The following RBM17 variants were observed in gnomAD, a reference collection of about 807,000 sequenced individuals.
The protein encoded by RBM17 is splicing factor 45.
A neutral mutation model predicts 53.2 loss-of-function variants in RBM17; 7 were observed. The ratio of observed to expected loss-of-function variants is 0.13; its 90% CI spans 0.07 to 0.25. RBM17 has a LOEUF of 0.25. Among genes scored for constraint, RBM17 ranks in the 10% least tolerant of loss-of-function variants. The pLI is 1.00. For missense variants in RBM17, 257 were observed against 496.7 expected, an observed-to-expected ratio of 0.52 and a Z score of 4.59; for synonymous variants, 167 against 178.1, an observed-to-expected ratio of 0.94 and a Z score of 0.50.
At position 6,107,894 on chromosome 10, in the gene RBM17, T is replaced by C. The variant is rs80252610; in HGVS notation, c.506-792T>C. On this transcript the variant is annotated intron_variant, in intron 5 of 11. Coordinates refer to ENST00000379888, the MANE Select transcript of RBM17 (RefSeq NM_032905.5). ...ATTGTTGATTAAGCCATAATACATA[T>C]GTATTATGTAATATTATGTATACGT... is the stretch of plus-strand genomic sequence containing the variant. Among the ~76,000 whole-genome samples, 251 of 152,362 alleles carry C rather than the reference T, an allele frequency of 1.6e-3. 1 individual carries two copies. The highest frequency in any genetic ancestry group is 2.8e-3 in the Non-Finnish European group (191 of 68,036).
intron 7 of RBM17, among the ~76,000 whole-genome samples, chr10:6,111,565 C>T (rs1244966452): frequency 6.6e-6 from 1 of 152,150 alleles, no homozygotes; most frequent in African/African-American, 2.4e-5. Context: ...GTCTTGAACT[C>T]CTGACCTCAG....
intron 1 of RBM17, among the ~76,000 whole-genome samples, chr10:6,090,480 T>A (rs11256667): frequency 0.25 from 38,316 of 152,192 alleles, 6,076 homozygotes; most frequent in Middle Eastern, 0.37. Flanking sequence ...CAGAGCAGGT[T>A]GTGCGGTTGT....
rs1438502223 is a variant in RBM17 at position 6,089,251 on chromosome 10, G to C, written c.-19+58G>C. The C allele has an allele frequency of 6.6e-6, 1 of 151,792 alleles. No individual in the cohort carries two copies. The highest frequency in any genetic ancestry group is 2.4e-5 in the African/African-American group (1 of 41,380). The allele number at this position is 151,792 out of a possible 1,614,324, so 9.4% of individuals were successfully genotyped here. ...GCCTGGCGGGACCTGAGGCGGGCGCGCCTTCCCGGGAGGCGCTAGACGCAA... is the reference window on the plus strand; with the variant it reads ...GCCTGGCGGGACCTGAGGCGGGCGCCCCTTCCCGGGAGGCGCTAGACGCAA... On this transcript the variant is annotated intron_variant, in intron 1 of 11. Coordinates refer to ENST00000379888, the MANE Select transcript of RBM17 (RefSeq NM_032905.5). The surrounding 1 kb of genome is among the most constrained non-coding windows in gnomAD (Gnocchi z 5.6).
chr10:6,113,149 A>G (rs916124577), intron 8 of RBM17: 2 of 205,976 alleles, frequency 9.7e-6, no homozygotes, highest in Non-Finnish European at 2.0e-5. Flanking sequence ...TAGTAACTGC[A>G]TATTCCCCTG....
intron 8 of RBM17, 114 bp from the exon 9 acceptor site, chr10:6,113,394 T>C (rs73605996): frequency 0.038 from 26,970 of 707,778 alleles, 1,348 homozygotes; most frequent in Admixed American, 0.17. Context: ...ACATAAATGG[T>C]GGGGATCGCT....
intron 7 of RBM17, among the ~76,000 whole-genome samples, chr10:6,110,595 CTG>C (rs1330761775): frequency 2.6e-4 from 39 of 152,308 alleles, no homozygotes; most frequent in African/African-American, 8.9e-4. Context: ...TAAAATTTGA[CTG>C]TAAGGCTGAC....
rs200271626 is a variant in RBM17 at position 6,097,074 on chromosome 10, G to A, written c.9G>A (p.Leu3=). The A allele has an allele frequency of 1.2e-6, 2 of 1,613,328 alleles. No individual in the cohort carries two copies. The highest frequency in any genetic ancestry group is 1.7e-6 in the Non-Finnish European group (2 of 1,179,938). The change falls in exon 2 of 12, where the codon CTG becomes CTA. Residue 3 remains leucine (L), a synonymous_variant. Transcript: ENST00000379888. MS[L]YDDLGVETSD... Reference sequence around the variant, plus strand: ...ATTAAACTGAAGAAAAGATGTCCCTGTACGATGACCTAGGAGTGGAGACCA... The same window carrying A: ...ATTAAACTGAAGAAAAGATGTCCCTATACGATGACCTAGGAGTGGAGACCA...
At position 6,115,766 on chromosome 10, in the gene RBM17, C is replaced by T. The variant is rs1012069059; in HGVS notation, c.*210C>T. On this transcript the variant is annotated 3_prime_UTR_variant, in exon 12 of 12. Transcript: ENST00000379888. ...TTTAAAAAAACAACAATCTGTGTGC[C>T]TCTCTGGTTGTTTCTCTTTTTTATT... is the stretch of plus-strand genomic sequence containing the variant. 1.3e-5 allele frequency: 5 copies of T among 398,600 alleles called. No homozygotes were observed. The highest frequency in any genetic ancestry group is 8.3e-5 in the South Asian group (1 of 12,014). 24.7% of individuals were successfully genotyped at this position (398,600 alleles called of 1,614,324 possible).
intron 7 of RBM17, 136 bp downstream of exon 7, chr10:6,110,263 C>T (rs1840817457): frequency 1.7e-6 from 1 of 601,072 alleles, no homozygotes; most frequent in Non-Finnish European, 2.6e-6. Context: ...GTACCTGCCT[C>T]AATCGTGTGG....
rs117328554 is a variant in RBM17 at position 6,111,633 on chromosome 10, C to G, written c.705-577C>G. ...GGGATTATAAGTGTGATCAACTGCA[C>G]CCAGCCTGTACAAATAATTTCTAAT... On this transcript the variant is annotated intron_variant, in intron 7 of 11. Coordinates refer to ENST00000379888, the MANE Select transcript of RBM17 (RefSeq NM_032905.5). 1.5e-4 allele frequency among the ~76,000 whole-genome samples: 23 copies of G among 152,342 alleles called. No homozygotes were observed. The East Asian group carries it at 3.5e-3, about 23-fold the overall frequency.
At chr10:6,091,427 A>G (rs1219492105) in intron 1 of RBM17, among the ~76,000 whole-genome samples, 9 of 152,312 alleles carry the variant, frequency 5.9e-5, no homozygotes, top group Non-Finnish European at 1.3e-4. Context: ...GTTTAGTGAT[A>G]GAAATATTTC....
At chr10:6,095,169 C>G (rs1588342922) in intron 1 of RBM17, among the ~76,000 whole-genome samples, 1 of 152,238 alleles carries the variant, frequency 6.6e-6, no homozygotes, top group East Asian at 1.9e-4. Context: ...CTGAAGACAT[C>G]TATCAGGAGG....
At chr10:6,114,497 A>G (rs539702998) in intron 10 of RBM17, 1 of 189,806 alleles carries the variant, frequency 5.3e-6, no homozygotes, top group South Asian at 9.7e-5. Flanking sequence ...CTGTGCGGAG[A>G]GCACTTGGAT....
rs1178570169 is a variant in RBM17 at position 6,089,446 on chromosome 10, C to CTTT, written c.-19+253_-19+254insTTT. On this transcript the variant is annotated intron_variant, in intron 1 of 11. Coordinates refer to ENST00000379888, the MANE Select transcript of RBM17 (RefSeq NM_032905.5). This position sits in a 1 kb window ranked among gnomAD's most constrained non-coding sequence, Gnocchi z 5.6. Reference sequence around the variant, plus strand: ...CCTGGCCCTGACCTTCTCCCTCTTCCCTTCCTCCTCCTCCTCCTCATGTCT... The same window carrying CTTT: ...CCTGGCCCTGACCTTCTCCCTCTTCCTTTCTTCCTCCTCCTCCTCCTCATGTCT... 8 of 140,410 alleles carry CTTT rather than the reference C, an allele frequency of 5.7e-5. No homozygotes were observed. In the East Asian group the frequency reaches 1.2e-3, roughly 21 times the overall value. The allele number at this position is 140,410 out of a possible 1,614,324, so 8.7% of individuals were successfully genotyped here.
intron 9 of RBM17, 63 bp downstream of exon 9, chr10:6,113,644 C>A (rs1173772446): frequency 1.9e-5 from 20 of 1,032,990 alleles, no homozygotes; most frequent in Non-Finnish European, 2.9e-5. Context: ...CCCCAGCCTA[C>A]CCTGCTCCCC....
chr10:6,101,621 A>G (rs73605985), intron 3 of RBM17, among the ~76,000 whole-genome samples: 1,550 of 152,342 alleles, frequency 0.01, 21 homozygotes, highest in African/African-American at 0.035. Flanking sequence ...AGAAAAACAA[A>G]TTACCTTCAG....
intron 2 of RBM17, among the ~76,000 whole-genome samples, chr10:6,099,771 A>AT (rs1198784763): frequency 6.6e-6 from 1 of 152,174 alleles, no homozygotes; most frequent in African/African-American, 2.4e-5. Context: ...AAAATATGTG[A>AT]TTCTGGCTGG....
rs1840928061 is a variant in RBM17 at position 6,116,944 on chromosome 10, T to C, written c.*1388T>C. 6.6e-6 allele frequency: 1 copy of C among 152,306 alleles called. No homozygotes were observed. Among genetic ancestry groups the C allele is most frequent in the South Asian group, 2.1e-4 (1 of 4,832 alleles). The allele number at this position is 152,306 out of a possible 1,614,324, so 9.4% of individuals were successfully genotyped here. ...GTGAGGTAAATTACATAATTGAACATTGTGGAAGACAGAATCAAAAGCAGC... is the reference window on the plus strand; with the variant it reads ...GTGAGGTAAATTACATAATTGAACACTGTGGAAGACAGAATCAAAAGCAGC... On this transcript the variant is annotated 3_prime_UTR_variant, in exon 12 of 12. Coordinates refer to ENST00000379888, the MANE Select transcript of RBM17 (RefSeq NM_032905.5).
intron 1 of RBM17, among the ~76,000 whole-genome samples, chr10:6,096,023 G>C (rs1314675127): frequency 2.0e-5 from 3 of 152,138 alleles, no homozygotes; most frequent in Non-Finnish European, 4.4e-5. Context: ...GGGCCCCCTG[G>C]GAACTGACAG....
Sources: allele counts gnomAD v4.1 joint callset (sites outside exome capture counted in the v4.1 genomes callset), GRCh38; gene constraint gnomAD v4.1.1; non-coding constraint Gnocchi (gnomAD v3.1); transcripts MANE v1.5; gene names NCBI Gene and HGNC (gene_info 2026-07-23, HGNC 2026-07-21).